Variants in ADGRB3 observed in about 807,000 individuals in gnomAD.
ADGRB3 encodes brain-specific angiogenesis inhibitor 3.
In ADGRB3, 37 loss-of-function variants were observed where a neutral mutation model predicts 193.4. The ratio of observed to expected loss-of-function variants is 0.19; its 90% CI spans 0.15 to 0.25. The LOEUF (loss-of-function observed/expected upper bound fraction) is 0.25. Ranked by LOEUF, ADGRB3 falls within the 10% of genes least tolerant of loss-of-function variation. The probability of loss-of-function intolerance (pLI) is 1.00; values close to 1 mark genes in which losing one functional copy is unlikely to be tolerated. For missense variants in ADGRB3, 1,637 were observed against 1,852.9 expected, an observed-to-expected ratio of 0.88 and a Z score of 2.14; for synonymous variants, 690 against 644.2, an observed-to-expected ratio of 1.07 and a Z score of -1.08.
chr6:68,674,412 A>G (rs1298036899), intron 3 of ADGRB3, among the ~76,000 whole-genome samples: 1 of 152,190 alleles, frequency 6.6e-6, no homozygotes, highest in Non-Finnish European at 1.5e-5. Context: ...CCACTTTTAC[A>G]CAAACATGCA....
chr6:68,814,401 GTTGT>G (rs1290089436), intron 3 of ADGRB3, among the ~76,000 whole-genome samples: 3 of 152,164 alleles, frequency 2.0e-5, no homozygotes, highest in Admixed American at 1.3e-4. Context: ...TTTTGATGGT[GTTGT>G]TTGTTTTTTT....
intron 3 of ADGRB3, among the ~76,000 whole-genome samples, chr6:68,903,137 C>G (rs773730460): frequency 1.4e-4 from 21 of 152,048 alleles, no homozygotes; most frequent in Non-Finnish European, 3.1e-4. Flanking sequence ...GCTGATCAAA[C>G]AATAAAACAA....
chr6:69,142,672 G>A (rs187794567), intron 17 of ADGRB3, among the ~76,000 whole-genome samples: 3 of 152,142 alleles, frequency 2.0e-5, no homozygotes, highest in African/African-American at 7.2e-5. Flanking sequence ...TGGGCAACCC[G>A]CTGATTAGTC....
intron 15 of ADGRB3, among the ~76,000 whole-genome samples, chr6:69,060,563 C>A (rs2150306993): frequency 6.6e-6 from 1 of 151,920 alleles, no homozygotes. Context: ...ATAGAGATAC[C>A]TTTCTAATAT....
intron 3 of ADGRB3, among the ~76,000 whole-genome samples, chr6:68,840,638 C>T (rs1337242222): frequency 6.6e-6 from 1 of 151,780 alleles, no homozygotes; most frequent in Non-Finnish European, 1.5e-5. Context: ...GTCAGCTCAG[C>T]TGCAGGTTAA....
At chr6:68,938,545 A>G (rs1192092128) in intron 5 of ADGRB3, among the ~76,000 whole-genome samples, 1 of 151,770 alleles carries the variant, frequency 6.6e-6, no homozygotes. Flanking sequence ...TGCTGAGAAC[A>G]TTTAACATCC....
intron 3 of ADGRB3, among the ~76,000 whole-genome samples, chr6:68,893,405 T>C (rs879917623): frequency 6.6e-6 from 1 of 151,902 alleles, no homozygotes; most frequent in Non-Finnish European, 1.5e-5. Flanking sequence ...CTGAGACATA[T>C]CTTTAAAGTT....
chr6:69,383,277 C>T (rs978313786), intron 31 of ADGRB3, among the ~76,000 whole-genome samples: 16 of 151,910 alleles, frequency 1.1e-4, no homozygotes, highest in Non-Finnish European at 2.1e-4. Flanking sequence ...TTTCCATTTT[C>T]ATTTGAATGT....
intron 3 of ADGRB3, among the ~76,000 whole-genome samples, chr6:68,678,878 G>T (rs1334523019): frequency 6.6e-6 from 1 of 152,026 alleles, no homozygotes; most frequent in Non-Finnish European, 1.5e-5. Context: ...CAATATCAGA[G>T]AAACATTATA....
intron 3 of ADGRB3, among the ~76,000 whole-genome samples, chr6:68,748,585 G>A (rs7759211): frequency 0.026 from 4,022 of 152,248 alleles, 159 homozygotes; most frequent in African/African-American, 0.091. Context: ...GGCTTTGCGT[G>A]GTACAGCCTC....
At chr6:68,656,779 C>G (rs539001574) in intron 3 of ADGRB3, among the ~76,000 whole-genome samples, 1 of 151,612 alleles carries the variant, frequency 6.6e-6, no homozygotes, top group South Asian at 2.1e-4. Flanking sequence ...AGTTCCACTC[C>G]CAACCCTGCT....
chr6:69,270,969 T>G (rs892202204), intron 20 of ADGRB3, among the ~76,000 whole-genome samples: 1 of 152,204 alleles, frequency 6.6e-6, no homozygotes. Context: ...GTGCTTTTCA[T>G]TGATTTTAGA....
intron 3 of ADGRB3, among the ~76,000 whole-genome samples, chr6:68,913,321 C>T (rs1050058163): frequency 1.3e-4 from 20 of 152,294 alleles, no homozygotes; most frequent in Admixed American, 2.0e-4. Flanking sequence ...ACACCTCACA[C>T]GGCCGGGTAC....
At chr6:69,143,664 G>A (rs1260385563) in intron 17 of ADGRB3, among the ~76,000 whole-genome samples, 3 of 152,056 alleles carry the variant, frequency 2.0e-5, no homozygotes, top group Non-Finnish European at 4.4e-5. Flanking sequence ...TATATTCTTG[G>A]CACCTTTGTG....
rs1167142377 is a variant in ADGRB3, at chr6:69,149,924, CTGTGTGTGTGTG to C, written c.2480+73926_2480+73937del. ...TTTATCTCTCTCTCTGTCTGTCTTT[CTGTGTGTGTGTG>C]TGTGTGTGTGTGTGTGTGTGTGTGT... is the stretch of plus-strand genomic sequence containing the variant. On this transcript the variant is annotated intron_variant, in intron 17 of 31. Transcript: ENST00000370598. Among the ~76,000 whole-genome samples, 462 of 128,946 alleles carry C rather than the reference CTGTGTGTGTGTG, an allele frequency of 3.6e-3. 1 individual carries two copies. Among genetic ancestry groups the C allele is most frequent in the Middle Eastern group, 0.016 (4 of 254 alleles). 84.6% of individuals were successfully genotyped at this position (128,946 alleles called of 152,430 possible). A position where few individuals can be genotyped will look rare whatever the true frequency, so the allele number is the denominator to read the frequency against.
At chr6:69,207,575 A>G (rs1765567555) in intron 17 of ADGRB3, among the ~76,000 whole-genome samples, 1 of 152,170 alleles carries the variant, frequency 6.6e-6, no homozygotes, top group South Asian at 2.1e-4. Flanking sequence ...CTATAAGAGA[A>G]ACAGTACCAT....
chr6:69,189,943 C>T (rs1341931141), intron 17 of ADGRB3, among the ~76,000 whole-genome samples: 1 of 152,084 alleles, frequency 6.6e-6, no homozygotes, highest in African/African-American at 2.4e-5. Context: ...CTCTTAGTTA[C>T]ACTGTAGCCA....
At chr6:69,039,521 A>G (rs1770967994) in intron 13 of ADGRB3, among the ~76,000 whole-genome samples, 1 of 152,090 alleles carries the variant, frequency 6.6e-6, no homozygotes, top group Admixed American at 6.5e-5. Flanking sequence ...CTCCATTGCA[A>G]TTACTCAACT....
intron 3 of ADGRB3, among the ~76,000 whole-genome samples, chr6:68,847,829 G>A (rs1373295350): frequency 6.6e-6 from 1 of 151,850 alleles, no homozygotes; most frequent in East Asian, 1.9e-4. Flanking sequence ...AAAGGAGTAA[G>A]TAAAATGTAG....
Sources: gnomAD v4.1 joint callset for allele counts (sites outside exome capture counted in the v4.1 genomes callset) on GRCh38, gnomAD v4.1.1 for gene constraint, MANE v1.5 for transcripts, NCBI Gene and HGNC (gene_info 2026-07-23, HGNC 2026-07-21) for gene names.